Variants in PLCL2 observed in about 807,000 individuals in gnomAD.
PLCL2 encodes inactive phospholipase C-like protein 2.
PLCL2 carries 4 observed loss-of-function variants against 79.6 expected under a neutral mutation model. The observed-to-expected ratio is 0.05, with a 90% CI of 0.02 to 0.11. The LOEUF (loss-of-function observed/expected upper bound fraction) is 0.11. Ranked by LOEUF, PLCL2 falls within the 10% of genes least tolerant of loss-of-function variation. The probability of loss-of-function intolerance (pLI) is 1.00; values close to 1 mark genes in which losing one functional copy is unlikely to be tolerated. For missense variants in PLCL2, 895 were observed against 1,291.0 expected (o/e 0.69, Z 4.70); for synonymous variants, 484 against 457.7 (o/e 1.06, Z -0.73).
chr3:17,028,815 G>A (rs1483080271), intron 3 of PLCL2, among the ~76,000 whole-genome samples: 1 of 151,954 alleles, frequency 6.6e-6, no homozygotes, highest in Middle Eastern at 3.2e-3. Context: ...GGATAACAGG[G>A]CCCATGTGTC....
At chr3:16,917,646 T>A (rs1359336052) in intron 1 of PLCL2, among the ~76,000 whole-genome samples, 2 of 152,176 alleles carry the variant, frequency 1.3e-5, no homozygotes, top group African/African-American at 4.8e-5. Flanking sequence ...CTCATGATAG[T>A]TCCAGATAGT....
At chr3:16,902,572 A>G (rs1161807070) in intron 1 of PLCL2, among the ~76,000 whole-genome samples, 1 of 152,186 alleles carries the variant, frequency 6.6e-6, no homozygotes, top group East Asian at 1.9e-4. Flanking sequence ...CATGCCTGTA[A>G]TCCCAGCACT....
intron 1 of PLCL2, among the ~76,000 whole-genome samples, chr3:16,904,553 C>T (rs1575520843): frequency 6.6e-6 from 1 of 152,116 alleles, no homozygotes; most frequent in Non-Finnish European, 1.5e-5. Context: ...GTGTATGCTG[C>T]TGAAAAAGTA....
In PLCL2 at chr3:16,976,915, C is replaced by T. The variant is rs201959508; in HGVS notation, c.328-32759C>T. Reference sequence around the variant, plus strand: ...TTGTATTAGCCAGAGTCCCAAACTCCTGGTCCCTGGCTGGGGCCCATCTAA... The same window carrying T: ...TTGTATTAGCCAGAGTCCCAAACTCTTGGTCCCTGGCTGGGGCCCATCTAA... On this transcript the variant is annotated intron_variant, in intron 1 of 5. Transcript: ENST00000615277. Among the ~76,000 whole-genome samples the T allele has an allele frequency of 4.6e-5, 7 of 152,200 alleles. No homozygotes were observed. The East Asian group carries it at 1.3e-3, about 29-fold the overall frequency.
intron 5 of PLCL2, among the ~76,000 whole-genome samples, chr3:17,073,779 C>T (rs2065084638): frequency 4.6e-5 from 7 of 152,214 alleles, no homozygotes. Context: ...TTTGCTCATT[C>T]ATAAGAAGCA....
intron 1 of PLCL2, among the ~76,000 whole-genome samples, chr3:16,986,097 G>A (rs968301662): frequency 6.6e-6 from 1 of 152,086 alleles, no homozygotes; most frequent in Non-Finnish European, 1.5e-5. Context: ...ACAAGGAGCT[G>A]TAGGGGGAAA....
intron 1 of PLCL2, among the ~76,000 whole-genome samples, chr3:16,902,228 T>C (rs536169137): frequency 1.4e-4 from 22 of 152,354 alleles, no homozygotes; most frequent in South Asian, 6.2e-4. Context: ...TTATGGCCAT[T>C]GAATCGGACT....
intron 1 of PLCL2, among the ~76,000 whole-genome samples, chr3:16,929,063 T>C (rs1697327175): frequency 4.3e-3 from 1 of 232 alleles, no homozygotes; most frequent in Non-Finnish European, 7.5e-3. Flanking sequence ...GAGTGCTGGC[T>C]TTGAACGTAC....
intron 1 of PLCL2, among the ~76,000 whole-genome samples, chr3:16,949,871 G>A (rs755590228): frequency 7.9e-5 from 12 of 152,192 alleles, no homozygotes; most frequent in Non-Finnish European, 1.6e-4. Context: ...CAAATGGACA[G>A]CCAGTTATTT....
intron 1 of PLCL2, among the ~76,000 whole-genome samples, chr3:16,966,308 G>A (rs528721830): frequency 1.3e-5 from 2 of 151,618 alleles, no homozygotes; most frequent in East Asian, 1.9e-4. Flanking sequence ...CTGTTTATAT[G>A]CTGGATTATG....
chr3:16,913,687 A>C (rs1696930628), intron 1 of PLCL2, among the ~76,000 whole-genome samples: 1 of 152,118 alleles, frequency 6.6e-6, no homozygotes, highest in African/African-American at 2.4e-5. Context: ...ATGAATATAT[A>C]AATATATTTA....
chr3:16,896,913 C>T (rs568871498), intron 1 of PLCL2, among the ~76,000 whole-genome samples: 319 of 152,270 alleles, frequency 2.1e-3, no homozygotes, highest in African/African-American at 7.2e-3. Flanking sequence ...GAATCAGAAC[C>T]TCTGGGGGTT....
At chr3:16,922,092 T>C (rs1348466493) in intron 1 of PLCL2, among the ~76,000 whole-genome samples, 2 of 152,194 alleles carry the variant, frequency 1.3e-5, no homozygotes, top group African/African-American at 2.4e-5. Context: ...TTAATAGTTA[T>C]GAACTTTTAA....
chr3:16,908,399 T>G (rs1696797846), intron 1 of PLCL2, among the ~76,000 whole-genome samples: 1 of 152,208 alleles, frequency 6.6e-6, no homozygotes, highest in South Asian at 2.1e-4. Flanking sequence ...TTTAAAAAAA[T>G]TAGTTTGTTT....
intron 4 of PLCL2, among the ~76,000 whole-genome samples, chr3:17,053,549 T>G (rs1224672846): frequency 6.6e-6 from 1 of 152,120 alleles, no homozygotes; most frequent in African/African-American, 2.4e-5. Flanking sequence ...CAAAATACAA[T>G]CATCCCTTCC....
intron 1 of PLCL2, among the ~76,000 whole-genome samples, chr3:16,926,239 A>G (rs529606493): frequency 6.6e-6 from 1 of 152,358 alleles, no homozygotes; most frequent in Admixed American, 6.5e-5. Context: ...CAAACAAACA[A>G]AAAAAGCCCA....
At chr3:17,021,052 A>G (rs1162017360) in intron 3 of PLCL2, among the ~76,000 whole-genome samples, 1 of 152,192 alleles carries the variant, frequency 6.6e-6, no homozygotes, top group Non-Finnish European at 1.5e-5. Context: ...TGCCTCAGTC[A>G]TTAAAAGCTT....
intron 1 of PLCL2, among the ~76,000 whole-genome samples, chr3:16,894,854 G>A (rs1467241031): frequency 1.3e-5 from 2 of 151,672 alleles, no homozygotes; most frequent in Non-Finnish European, 2.9e-5. Context: ...TTCTGAATAT[G>A]TCTTTTGTGA....
At chr3:17,089,000 G>A (rs2065248242) in intron 5 of PLCL2, among the ~76,000 whole-genome samples, 1 of 152,210 alleles carries the variant, frequency 6.6e-6, no homozygotes, top group Admixed American at 6.5e-5. Flanking sequence ...CTTTCTTTCA[G>A]CAAATGCTCA....
Sources: gnomAD v4.1 joint callset for allele counts (sites outside exome capture counted in the v4.1 genomes callset) on GRCh38, gnomAD v4.1.1 for gene constraint, MANE v1.5 for transcripts, NCBI Gene and HGNC (gene_info 2026-07-23, HGNC 2026-07-21) for gene names.